Variants in AP2B1 observed in about 807,000 individuals in gnomAD.
AP2B1 encodes the protein adaptor related protein complex 2 subunit beta 1.
Under a neutral mutation model 102.0 loss-of-function variants are expected in AP2B1, and 23 were observed. That is an observed-to-expected ratio of 0.23 (90% CI 0.16 to 0.32). The LOEUF is 0.32. Among genes scored for constraint, AP2B1 ranks in the 10% least tolerant of loss-of-function variants. AP2B1 has a pLI of 1.00. For missense variants in AP2B1, 541 were observed against 1,157.4 expected (o/e 0.47, Z 7.73); for synonymous variants, 381 against 421.2 (o/e 0.90, Z 1.17).
intron 4 of AP2B1, among the ~76,000 whole-genome samples, chr17:35,606,951 G>C (rs2073697782): frequency 1.3e-5 from 2 of 151,060 alleles, no homozygotes; most frequent in African/African-American, 4.9e-5. Context: ...TGTTGCCCGG[G>C]CTGGAGTGCA....
At chr17:35,666,824 G>A (rs868550695) in intron 14 of AP2B1, among the ~76,000 whole-genome samples, 9 of 152,136 alleles carry the variant, frequency 5.9e-5, no homozygotes, top group African/African-American at 2.2e-4. Context: ...AGTATGTCCA[G>A]ACAGATGAAC....
intron 17 of AP2B1, among the ~76,000 whole-genome samples, chr17:35,674,984 T>G (rs2075670273): frequency 6.6e-6 from 1 of 152,104 alleles, no homozygotes; most frequent in Non-Finnish European, 1.5e-5. Context: ...GGGGCTAGAG[T>G]AGTGAACCAA....
rs114705625 is a variant in AP2B1, at chr17:35,689,883, T to C, written c.2454+7059T>C. Reference sequence around the variant, plus strand: ...TGTAGGCTCCTCTTCCATATTTCTTTTACCTTTGGTTTTCAGCAGTTTGGC... The same window carrying C: ...TGTAGGCTCCTCTTCCATATTTCTTCTACCTTTGGTTTTCAGCAGTTTGGC... On this transcript the variant is annotated intron_variant, in intron 18 of 21. Transcript: ENST00000610402. Among the ~76,000 whole-genome samples, 991 of 152,374 alleles carry C rather than the reference T, an allele frequency of 6.5e-3. 9 individuals are homozygous for C. Among genetic ancestry groups the C allele is most frequent in the African/African-American group, 0.023 (944 of 41,596 alleles).
chr17:35,631,186 G>C (rs989535798), intron 9 of AP2B1, among the ~76,000 whole-genome samples: 1 of 152,136 alleles, frequency 6.6e-6, no homozygotes, highest in Non-Finnish European at 1.5e-5. Flanking sequence ...AAAAAGGAGA[G>C]AGGTTGAGGC....
At position 35,722,896 on chromosome 17, in the gene AP2B1, A is replaced by C. The variant is rs188811130; in HGVS notation, c.2782-729A>C. Among the ~76,000 whole-genome samples, 10 of 152,316 alleles carry C rather than the reference A, an allele frequency of 6.6e-5. No homozygotes were observed. In the East Asian group the frequency reaches 9.6e-4, roughly 15 times the overall value. On this transcript the variant is annotated intron_variant, in intron 21 of 21. Transcript: ENST00000610402. ...TACTGACTCACAAAGTGAAATTCTC[A>C]ATATTCACCATTAAGATCTTTTTAA...
intron 21 of AP2B1, among the ~76,000 whole-genome samples, chr17:35,720,573 ATTTT>A (rs1208973388): frequency 0.026 from 726 of 27,612 alleles, 1 homozygote; most frequent in Middle Eastern, 0.067. Flanking sequence ...ATATATATAT[ATTTT>A]TTTTTTTTTT....
intron 17 of AP2B1, among the ~76,000 whole-genome samples, chr17:35,675,610 C>T (rs1349393250): frequency 6.7e-6 from 1 of 149,146 alleles, no homozygotes; most frequent in Non-Finnish European, 1.5e-5. Context: ...AGTCTGCATT[C>T]ATCTCTAGCC....
chr17:35,670,250 T>C (rs939640776), intron 14 of AP2B1, among the ~76,000 whole-genome samples: 1 of 152,228 alleles, frequency 6.6e-6, no homozygotes, highest in African/African-American at 2.4e-5. Flanking sequence ...CCTCCTTAGA[T>C]AGTTCAGATA....
chr17:35,646,887 A>G (rs923005416), intron 12 of AP2B1, among the ~76,000 whole-genome samples: 3 of 151,954 alleles, frequency 2.0e-5, no homozygotes, highest in Admixed American at 2.0e-4. Context: ...CCTGGCTGAG[A>G]TTTTTGAATT....
intron 2 of AP2B1, among the ~76,000 whole-genome samples, chr17:35,596,123 C>A (rs2073264016): frequency 6.6e-6 from 1 of 152,130 alleles, no homozygotes; most frequent in Non-Finnish European, 1.5e-5. Context: ...GAAACATATT[C>A]TTTAAATTTA....
chr17:35,623,958 A>G (rs76564459), intron 5 of AP2B1, among the ~76,000 whole-genome samples: 3,661 of 152,266 alleles, frequency 0.024, 133 homozygotes, highest in East Asian at 0.19. Flanking sequence ...AGTATGATTA[A>G]TGGTGTCACC....
chr17:35,657,576 A>G, intron 13 of AP2B1, 23 bp from the exon 14 acceptor site: 1 of 1,590,548 alleles, frequency 6.3e-7, no homozygotes, highest in Non-Finnish European at 8.6e-7. Context: ...TCTTTTCTCC[A>G]TTTTATGTGT....
At chr17:35,627,362 T>C (rs1598093266) in intron 7 of AP2B1, 23 bp from the exon 8 acceptor site, 1 of 1,610,302 alleles carries the variant, frequency 6.2e-7, no homozygotes, top group East Asian at 2.2e-5. Flanking sequence ...CACCTTCCTT[T>C]CTTCTGTTTC....
At chr17:35,670,762 A>C (rs1479325405) in intron 14 of AP2B1, 95 bp from the exon 15 acceptor site, 1 of 1,308,778 alleles carries the variant, frequency 7.6e-7, no homozygotes. Flanking sequence ...ATTTCCAGCA[A>C]CTTGGTAGAG....
chr17:35,718,312 CTGTG>C (rs57852031), intron 21 of AP2B1, among the ~76,000 whole-genome samples: 10,336 of 139,164 alleles, frequency 0.074, 402 homozygotes, highest in Middle Eastern at 0.12. Flanking sequence ...GTTGGAGTAG[CTGTG>C]TGTGTGTGTG....
intron 5 of AP2B1, among the ~76,000 whole-genome samples, chr17:35,620,263 A>T (rs1215801117): frequency 6.6e-6 from 1 of 151,696 alleles, no homozygotes; most frequent in African/African-American, 2.4e-5. Context: ...GGAGGACTGC[A>T]TGAGGCCAGG....
At chr17:35,621,831 A>G (rs551794195) in intron 5 of AP2B1, among the ~76,000 whole-genome samples, 16 of 152,062 alleles carry the variant, frequency 1.1e-4, no homozygotes, top group Admixed American at 5.2e-4. Flanking sequence ...TTCTTTGTCT[A>G]TATTTCCTAT....
intron 20 of AP2B1, among the ~76,000 whole-genome samples, chr17:35,714,955 A>G (rs191693046): frequency 3.3e-5 from 5 of 152,346 alleles, no homozygotes; most frequent in South Asian, 4.1e-4. Context: ...ATTAAAAACT[A>G]TGATATCTTG....
chr17:35,646,753 T>G (rs1268452863), intron 12 of AP2B1, among the ~76,000 whole-genome samples: 1 of 151,940 alleles, frequency 6.6e-6, no homozygotes, highest in Admixed American at 6.6e-5. Context: ...CATGCCTGGC[T>G]AATTTTTGTA....
Sources: allele counts gnomAD v4.1 joint callset (sites outside exome capture counted in the v4.1 genomes callset), GRCh38; gene constraint gnomAD v4.1.1; transcripts MANE v1.5; gene names NCBI Gene and HGNC (gene_info 2026-07-23, HGNC 2026-07-21).